APBB2: variants seen among roughly 807,000 people sequenced by gnomAD.
APBB2 encodes amyloid beta precursor protein binding family B member 2, also known as Fe65-like 1.
A neutral mutation model predicts 82.5 loss-of-function variants in APBB2; 38 were observed. The ratio of observed to expected loss-of-function variants is 0.46; its 90% CI spans 0.36 to 0.60. APBB2 has a LOEUF of 0.60. Among genes scored for constraint, APBB2 ranks in the 20% least tolerant of loss-of-function variants. The probability of loss-of-function intolerance (pLI) is 0.00; values close to 1 mark genes in which losing one functional copy is unlikely to be tolerated. For synonymous variants in APBB2, 341 were observed against 368.2 expected (o/e 0.93, Z 0.85); for missense variants, 772 against 972.3 (o/e 0.79, Z 2.74).
intron 6 of APBB2, among the ~76,000 whole-genome samples, chr4:40,946,232 C>CT (rs1788363614): frequency 1.3e-5 from 1 of 78,724 alleles, no homozygotes; most frequent in Non-Finnish European, 2.4e-5. Context: ...ACTCTATCTC[C>CT]AAAAAAAAAA....
At chr4:41,068,160 T>C (rs1732580541) in intron 3 of APBB2, among the ~76,000 whole-genome samples, 1 of 152,218 alleles carries the variant, frequency 6.6e-6, no homozygotes, top group Non-Finnish European at 1.5e-5. Context: ...CCAAGCCCTA[T>C]CTACCTATAC....
intron 4 of APBB2, among the ~76,000 whole-genome samples, chr4:41,037,171 C>T (rs1719534109): frequency 6.6e-6 from 1 of 152,178 alleles, no homozygotes. Flanking sequence ...GTAGGTGAGT[C>T]TACTTCCTCA....
Position 41,095,967 on chromosome 4 carries a change from C to T in APBB2, c.-149+4672G>A, listed in dbSNP as rs74426763. Among the ~76,000 whole-genome samples the T allele has an allele frequency of 4.6e-5, 7 of 152,328 alleles. No homozygotes were observed. The East Asian group carries it at 9.6e-4, about 21-fold the overall frequency. ...ATCTCAGGGTCCACTCTGTTCTCCA[C>T]GCTCCATACCCCAGCCACGGTGGAG... On this transcript the variant is annotated intron_variant, in intron 3 of 17. Transcript: ENST00000508593.
At chr4:40,944,375 G>T (rs1184924997) in intron 7 of APBB2, among the ~76,000 whole-genome samples, 4 of 152,156 alleles carry the variant, frequency 2.6e-5, no homozygotes, top group Non-Finnish European at 5.9e-5. Context: ...TAAATAAACA[G>T]ATTTTTTAAA....
chr4:41,089,279 G>T (rs1740900889), intron 3 of APBB2, among the ~76,000 whole-genome samples: 1 of 152,124 alleles, frequency 6.6e-6, no homozygotes, highest in Non-Finnish European at 1.5e-5. Flanking sequence ...AGATTTTTGG[G>T]ATTTTGGAAT....
chr4:41,189,106 T>C (rs2073862502), intron 1 of APBB2, among the ~76,000 whole-genome samples: 1 of 152,156 alleles, frequency 6.6e-6, no homozygotes, highest in African/African-American at 2.4e-5. Flanking sequence ...ATAGCATCAT[T>C]ATTCCCAGTA....
At chr4:40,916,186 T>C (rs1355189486) in intron 10 of APBB2, among the ~76,000 whole-genome samples, 1 of 152,220 alleles carries the variant, frequency 6.6e-6, no homozygotes, top group Non-Finnish European at 1.5e-5. Context: ...GGGAGGAATG[T>C]ATGTGCACAG....
At chr4:41,161,846 AT>A (rs1169946462) in intron 1 of APBB2, among the ~76,000 whole-genome samples, 2 of 152,056 alleles carry the variant, frequency 1.3e-5, no homozygotes, top group East Asian at 3.9e-4. Context: ...CCTATCCCTT[AT>A]TTTTTTTCCG....
chr4:41,053,864 T>C (rs1402219821), intron 4 of APBB2, among the ~76,000 whole-genome samples: 1 of 152,228 alleles, frequency 6.6e-6, no homozygotes, highest in Non-Finnish European at 1.5e-5. Flanking sequence ...AAGTTAGAGC[T>C]TTCTTTTCAA....
rs559342186 is a variant in APBB2, at chr4:40,864,445, T to C, written c.1529+25919A>G. 4.1e-4 allele frequency among the ~76,000 whole-genome samples: 63 copies of C among 152,306 alleles called. No individual in the cohort carries two copies. The South Asian group carries it at 0.012, about 30-fold the overall frequency. On this transcript the variant is annotated intron_variant, in intron 12 of 17. Transcript: ENST00000508593. ...CTTTATCTAAAAGGGATTGCCACAG[T>C]ATCTCTTTAACTCAACTCTAACAAA... is the stretch of plus-strand genomic sequence containing the variant.
intron 6 of APBB2, among the ~76,000 whole-genome samples, chr4:41,002,354 A>G (rs1165382407): frequency 1.3e-5 from 2 of 152,262 alleles, no homozygotes; most frequent in Non-Finnish European, 2.9e-5. Flanking sequence ...TTAACAGTTC[A>G]TGTCACACTT....
rs577069015 is a variant in APBB2 at position 41,205,354 on chromosome 4, C to T, written c.-417+9051G>A. ...TTACAGAGAAGGGAGCTATGGCAAT[C>T]AGGAAGTAATGCAACATCTCCCCTG... On this transcript the variant is annotated intron_variant, in intron 1 of 17. Transcript: ENST00000508593. 5.3e-5 allele frequency among the ~76,000 whole-genome samples: 8 copies of T among 152,256 alleles called. No homozygotes were observed. In the South Asian group the frequency reaches 1.7e-3, roughly 32 times the overall value.
At chr4:41,015,488 C>A (rs1809649622) in intron 5 of APBB2, among the ~76,000 whole-genome samples, 1 of 152,202 alleles carries the variant, frequency 6.6e-6, no homozygotes, top group Admixed American at 6.5e-5. Context: ...CTTCCTCCCC[C>A]AGGCAAAACA....
chr4:40,872,729 T>C (rs1016204308), intron 12 of APBB2, among the ~76,000 whole-genome samples: 4 of 151,946 alleles, frequency 2.6e-5, no homozygotes, highest in African/African-American at 7.3e-5. Flanking sequence ...AAGCCAACTT[T>C]ACAGATCACT....
rs773293993 is a variant in APBB2 at position 41,013,548 on chromosome 4, A to T, written c.835+35T>A. ...ATAGTTGAAAAGATAAAAAAAAAAA[A>T]GTGCCAGCTGAGGCTACGCCTTCCC... On this transcript the variant is annotated intron_variant, in intron 6 of 17. Coordinates refer to ENST00000508593, the MANE Select transcript of APBB2 (RefSeq NM_004307.2). 48 of 1,548,240 alleles carry T rather than the reference A, an allele frequency of 3.1e-5. No homozygotes were observed. In the Admixed American group the frequency reaches 9.2e-4, roughly 30 times the overall value.
intron 6 of APBB2, among the ~76,000 whole-genome samples, chr4:40,951,341 T>C (rs1444665706): frequency 6.6e-6 from 1 of 152,248 alleles, no homozygotes; most frequent in Non-Finnish European, 1.5e-5. Context: ...TTTCAGTTGT[T>C]TCTTAAACAG....
At chr4:41,042,410 G>A (rs1306179126) in intron 4 of APBB2, among the ~76,000 whole-genome samples, 4 of 152,200 alleles carry the variant, frequency 2.6e-5, no homozygotes, top group African/African-American at 9.7e-5. Context: ...AGAGGACTAA[G>A]TTAATGACCC....
At chr4:40,985,151 A>G (rs937497223) in intron 6 of APBB2, among the ~76,000 whole-genome samples, 1 of 151,906 alleles carries the variant, frequency 6.6e-6, no homozygotes, top group African/African-American at 2.4e-5. Context: ...CTGGGTTCAC[A>G]TGATCCTCTT....
At chr4:40,941,671 C>T (rs1348778328) in intron 7 of APBB2, among the ~76,000 whole-genome samples, 1 of 152,208 alleles carries the variant, frequency 6.6e-6, no homozygotes, top group East Asian at 1.9e-4. Context: ...ACCCTGTTAT[C>T]CAGGCTGGAG....
Sources: gnomAD v4.1 joint callset for allele counts (sites outside exome capture counted in the v4.1 genomes callset) on GRCh38, gnomAD v4.1.1 for gene constraint, MANE v1.5 for transcripts, NCBI Gene and HGNC (gene_info 2026-07-23, HGNC 2026-07-21) for gene names.